Variants in SAMTOR observed in about 807,000 individuals in gnomAD.
SAMTOR encodes UPF0532 protein C7orf60.
the SAMTOR span, among the ~76,000 whole-genome samples, chr7:112,830,136 T>C: frequency 5.3e-5 from 8 of 152,102 alleles, no homozygotes; most frequent in African/African-American, 1.9e-4. Flanking sequence ...TGCTTGGGTT[T>C]CTCCCTGTGC....
the SAMTOR span, chr7:112,822,427 A>G: frequency 7.0e-7 from 1 of 1,425,914 alleles, no homozygotes; most frequent in Non-Finnish European, 9.5e-7. Flanking sequence ...TTTCCACTTT[A>G]GTACATAGAC....
At chr7:112,912,518 G>C in the SAMTOR span, among the ~76,000 whole-genome samples, 67 of 151,918 alleles carry the variant, frequency 4.4e-4, 2 homozygotes, top group African/African-American at 1.6e-3. Flanking sequence ...CTTTCAAACT[G>C]ACATGCTTTT....
chr7:112,911,060 G>T, the SAMTOR span, among the ~76,000 whole-genome samples: 1 of 152,058 alleles, frequency 6.6e-6, no homozygotes, highest in African/African-American at 2.4e-5. Context: ...AGCCTTCCAG[G>T]GTAGAAATAC....
chr7:112,881,525 C>T, the SAMTOR span, among the ~76,000 whole-genome samples: 1 of 152,314 alleles, frequency 6.6e-6, no homozygotes, highest in South Asian at 2.1e-4. Flanking sequence ...GACATTGGGA[C>T]TACCAGCTGC....
the SAMTOR span, among the ~76,000 whole-genome samples, chr7:112,904,009 T>C: frequency 6.6e-6 from 1 of 152,046 alleles, no homozygotes; most frequent in Non-Finnish European, 1.5e-5. Context: ...TTCAATTCAC[T>C]TCAATTCCCA....
At chr7:112,819,957 T>C in the SAMTOR span, 1 of 152,524 alleles carries the variant, frequency 6.6e-6, no homozygotes, top group Non-Finnish European at 1.5e-5. Flanking sequence ...TGCTTTTTTT[T>C]CCTTCCCCTT....
chr7:112,937,737 T>C, the SAMTOR span, among the ~76,000 whole-genome samples: 1 of 148,546 alleles, frequency 6.7e-6, no homozygotes, highest in East Asian at 2.0e-4. Context: ...ATTCAAATGT[T>C]TAAACTGCCA....
At chr7:112,830,346 T>C in the SAMTOR span, among the ~76,000 whole-genome samples, 1 of 152,180 alleles carries the variant, frequency 6.6e-6, no homozygotes. Flanking sequence ...GTAAGTCCCT[T>C]TACTCTGTTT....
chr7:112,878,096 C>G, the SAMTOR span, among the ~76,000 whole-genome samples: 2 of 152,254 alleles, frequency 1.3e-5, 1 homozygote, highest in East Asian at 3.9e-4. Context: ...TAGCATGTAG[C>G]AGAAGTACTT....
chr7:112,877,362 T>C, the SAMTOR span, among the ~76,000 whole-genome samples: 3 of 152,222 alleles, frequency 2.0e-5, no homozygotes, highest in Non-Finnish European at 2.9e-5. Context: ...TCAAATGTTT[T>C]GGTCTCAGAA....
chr7:112,898,996 G>A, the SAMTOR span, among the ~76,000 whole-genome samples: 2 of 152,120 alleles, frequency 1.3e-5, no homozygotes, highest in Non-Finnish European at 1.5e-5. Context: ...AGATTACAAA[G>A]ACTGGAATAA....
chr7:112,821,596 AG>A, the SAMTOR span: 1 of 687,534 alleles, frequency 1.5e-6, no homozygotes. Flanking sequence ...TTTAAAATTG[AG>A]AAGTAGAAAA....
chr7:112,886,697 C>G, the SAMTOR span, among the ~76,000 whole-genome samples: 5 of 152,278 alleles, frequency 3.3e-5, no homozygotes, highest in African/African-American at 9.6e-5. Flanking sequence ...TAACACTGGC[C>G]TGAAAGGACT....
At chr7:112,888,165 TG>T in the SAMTOR span, among the ~76,000 whole-genome samples, 1 of 152,176 alleles carries the variant, frequency 6.6e-6, no homozygotes, top group African/African-American at 2.4e-5. Flanking sequence ...CTAATTCTTC[TG>T]AGACTTACTT....
At chr7:112,913,081 T>C in the SAMTOR span, among the ~76,000 whole-genome samples, 1 of 152,332 alleles carries the variant, frequency 6.6e-6, no homozygotes, top group African/African-American at 2.4e-5. Context: ...CCTCATTTTG[T>C]GTTTCTTAAC....
chr7:112,832,391 A>AC, the SAMTOR span, among the ~76,000 whole-genome samples: 11 of 152,322 alleles, frequency 7.2e-5, no homozygotes, highest in East Asian at 2.1e-3. Flanking sequence ...GAAAATAAAG[A>AC]CAATATTTGG....
chr7:112,831,452 T>C, the SAMTOR span, among the ~76,000 whole-genome samples: 1 of 151,886 alleles, frequency 6.6e-6, no homozygotes, highest in Admixed American at 6.6e-5. Flanking sequence ...AGGTCAGGAG[T>C]TCGAGACCAG....
At chr7:112,824,642 T>C in the SAMTOR span, among the ~76,000 whole-genome samples, 1 of 152,210 alleles carries the variant, frequency 6.6e-6, no homozygotes, top group Non-Finnish European at 1.5e-5. Context: ...ATTACAGGCA[T>C]GATCCACCAC....
chr7:112,909,620 T>C, the SAMTOR span, among the ~76,000 whole-genome samples: 1 of 148,828 alleles, frequency 6.7e-6, no homozygotes, highest in Non-Finnish European at 1.5e-5. Context: ...TACATTTCAG[T>C]TATTTTATTT....
Sources: gnomAD v4.1 joint callset for allele counts (sites outside exome capture counted in the v4.1 genomes callset) on GRCh38, gnomAD v4.1.1 for gene constraint, MANE v1.5 for transcripts, NCBI Gene and HGNC (gene_info 2026-07-23, HGNC 2026-07-21) for gene names.